Variants in NTM observed in about 807,000 individuals in gnomAD.
The protein encoded by NTM is neurotrimin, also known as IgLON family member 2.
NTM carries 13 observed loss-of-function variants against 42.1 expected under a neutral mutation model. That is an observed-to-expected ratio of 0.31 (90% confidence interval 0.20 to 0.49). The LOEUF (loss-of-function observed/expected upper bound fraction) is 0.49, where lower values mean the gene tolerates loss of function less well. Among genes scored for constraint, NTM ranks in the 20% least tolerant of loss-of-function variants. NTM has a pLI of 0.99. For missense variants in NTM, 373 were observed against 452.8 expected (o/e 0.82, Z 1.60); for synonymous variants, 187 against 179.2 (o/e 1.04, Z -0.35).
chr11:131,508,420 C>T (rs991700920), intron 1 of NTM, among the ~76,000 whole-genome samples: 1 of 149,820 alleles, frequency 6.7e-6, no homozygotes, highest in African/African-American at 2.5e-5. Flanking sequence ...AATAGGAACA[C>T]TTTTACACTG....
chr11:132,142,720 C>T (rs192144058), intron 2 of NTM, among the ~76,000 whole-genome samples: 76 of 152,188 alleles, frequency 5.0e-4, no homozygotes, highest in African/African-American at 1.8e-3. Flanking sequence ...GTGTTCAGAA[C>T]CGCAGCTGGA....
intron 1 of NTM, among the ~76,000 whole-genome samples, chr11:131,744,316 AT>A (rs2081537480): frequency 6.6e-6 from 1 of 152,212 alleles, no homozygotes. Flanking sequence ...TGTAGACTAT[AT>A]TCTTATAATA....
chr11:131,810,739 C>G (rs2092700955), intron 1 of NTM, among the ~76,000 whole-genome samples: 1 of 152,204 alleles, frequency 6.6e-6, no homozygotes, highest in Non-Finnish European at 1.5e-5. Context: ...GCTGCTATCT[C>G]AGACTCAACA....
At chr11:132,149,850 G>A (rs1354596063) in intron 3 of NTM, among the ~76,000 whole-genome samples, 2 of 152,066 alleles carry the variant, frequency 1.3e-5, no homozygotes, top group African/African-American at 4.8e-5. Flanking sequence ...TTGCCAGGGT[G>A]GCTATTTTAA....
rs549268496 is a variant in NTM, at chr11:131,481,688, A to G, written c.82+110800A>G. 4.6e-5 allele frequency among the ~76,000 whole-genome samples: 7 copies of G among 152,320 alleles called. No individual in the cohort carries two copies. In the South Asian group the frequency reaches 1.2e-3, roughly 27 times the overall value. On this transcript the variant is annotated intron_variant, in intron 1 of 8. Transcript: ENST00000683400. ...GCCACACAGCCAGTGCTTTCTAGCA[A>G]CTAGGGCCTCTTTGGTCCTCTTGGC...
At chr11:131,734,451 C>T (rs2135517013) in intron 1 of NTM, among the ~76,000 whole-genome samples, 1 of 152,236 alleles carries the variant, frequency 6.6e-6, no homozygotes, top group South Asian at 2.1e-4. Flanking sequence ...TACCCCCATC[C>T]TTTTAACAAA....
intron 1 of NTM, among the ~76,000 whole-genome samples, chr11:131,638,241 TA>T (rs1302375363): frequency 2.6e-5 from 4 of 152,112 alleles, no homozygotes; most frequent in South Asian, 2.1e-4. Context: ...AATTTAAGTT[TA>T]AAAAACTTTT....
Position 132,070,129 on chromosome 11 carries a change from C to T in NTM, c.168-76153C>T, listed in dbSNP as rs371389655. Reference sequence around the variant, plus strand: ...ACTGACCGTCACAGGTTAGTTAACACGTCACACAGCCAAGTTAACACGTCA... The same window carrying T: ...ACTGACCGTCACAGGTTAGTTAACATGTCACACAGCCAAGTTAACACGTCA... On this transcript the variant is annotated intron_variant, in intron 2 of 8. Transcript: ENST00000683400. 8.0e-4 allele frequency among the ~76,000 whole-genome samples: 114 copies of T among 142,966 alleles called. No homozygotes were observed. The East Asian group carries it at 0.016, about 20-fold the overall frequency. 93.8% of individuals were successfully genotyped at this position (142,966 alleles called of 152,430 possible). A position where few individuals can be genotyped will look rare whatever the true frequency, so the allele number is the denominator to read the frequency against.
chr11:131,420,457 G>A (rs998423398), intron 1 of NTM, among the ~76,000 whole-genome samples: 13 of 152,306 alleles, frequency 8.5e-5, no homozygotes, highest in East Asian at 7.7e-4. Context: ...TTTCAGAACC[G>A]TAAGGTCATA....
intron 1 of NTM, among the ~76,000 whole-genome samples, chr11:131,563,425 T>G (rs935193393): frequency 2.6e-5 from 4 of 152,154 alleles, no homozygotes; most frequent in African/African-American, 9.7e-5. Flanking sequence ...ATCTTCCTAT[T>G]TTACCATCAT....
rs2081789636 is a variant in NTM at position 132,205,174 on chromosome 11, C to A, written c.401-6848C>A. 2.0e-5 allele frequency among the ~76,000 whole-genome samples: 3 copies of A among 152,134 alleles called. 1 individual carries two copies. Among genetic ancestry groups the A allele is most frequent in the Admixed American group, 1.3e-4 (2 of 15,278 alleles). On this transcript the variant is annotated intron_variant, in intron 3 of 8. Transcript: ENST00000683400. ...AGATAGAGGAGAGGCAGGAGGGGAA[C>A]CCCCACTGCCAGCCAAGGAAGCCAT...
chr11:131,639,779 A>C (rs1435001098), intron 1 of NTM, among the ~76,000 whole-genome samples: 1 of 152,010 alleles, frequency 6.6e-6, no homozygotes, highest in Non-Finnish European at 1.5e-5. Flanking sequence ...AACATGGTGA[A>C]ACCCCATCTT....
At chr11:131,997,182 G>C (rs1471217667) in intron 2 of NTM, among the ~76,000 whole-genome samples, 1 of 152,110 alleles carries the variant, frequency 6.6e-6, no homozygotes, top group African/African-American at 2.4e-5. Context: ...TGCTTGTTTG[G>C]GTTCTGTATG....
intron 1 of NTM, among the ~76,000 whole-genome samples, chr11:131,766,534 G>T (rs927329943): frequency 6.6e-6 from 1 of 151,966 alleles, no homozygotes; most frequent in Non-Finnish European, 1.5e-5. Flanking sequence ...GAACTCTGGG[G>T]CTCATTCATA....
chr11:132,168,747 T>C (rs2075663469), intron 3 of NTM, among the ~76,000 whole-genome samples: 1 of 152,164 alleles, frequency 6.6e-6, no homozygotes, highest in African/African-American at 2.4e-5. Flanking sequence ...TCAGGCCAGC[T>C]CTCCTGGGGA....
At chr11:131,695,967 G>A (rs969521120) in intron 1 of NTM, among the ~76,000 whole-genome samples, 10 of 152,136 alleles carry the variant, frequency 6.6e-5, no homozygotes, top group African/African-American at 2.4e-4. Context: ...CAAAGGACAG[G>A]GCTGGAGTGC....
At chr11:131,694,602 C>A (rs565372501) in intron 1 of NTM, among the ~76,000 whole-genome samples, 60 of 152,184 alleles carry the variant, frequency 3.9e-4, no homozygotes, top group African/African-American at 1.4e-3. Flanking sequence ...AAGGCTGAAG[C>A]GGGAAGTGCA....
chr11:131,495,673 G>A (rs1955265821), intron 1 of NTM, among the ~76,000 whole-genome samples: 2 of 152,188 alleles, frequency 1.3e-5, no homozygotes, highest in South Asian at 4.1e-4. Flanking sequence ...GGTTGAGCAG[G>A]GTGTGGGTTG....
chr11:131,717,429 G>T (rs187702343), intron 1 of NTM, among the ~76,000 whole-genome samples: 1 of 152,118 alleles, frequency 6.6e-6, no homozygotes, highest in African/African-American at 2.4e-5. Context: ...AGCCTTCAAC[G>T]TACAGATCTT....
Sources: allele counts gnomAD v4.1 joint callset (sites outside exome capture counted in the v4.1 genomes callset), GRCh38; gene constraint gnomAD v4.1.1; transcripts MANE v1.5; gene names NCBI Gene and HGNC (gene_info 2026-07-23, HGNC 2026-07-21).